Variants in TBC1D5 observed in about 807,000 individuals in gnomAD.
TBC1D5 encodes TBC1 domain family, member 5.
TBC1D5 carries 75 observed loss-of-function variants against 100.3 expected under a neutral mutation model. The observed-to-expected ratio is 0.75, with a 90% CI of 0.62 to 0.91. The LOEUF (loss-of-function observed/expected upper bound fraction) is 0.91, where lower values mean the gene tolerates loss of function less well. Ranked by LOEUF, TBC1D5 falls within the 40% of genes least tolerant of loss-of-function variation. The pLI is 0.00. For missense variants in TBC1D5, 910 were observed against 942.4 expected, an observed-to-expected ratio of 0.97 and a Z score of 0.45; for synonymous variants, 323 against 325.6, an observed-to-expected ratio of 0.99 and a Z score of 0.09.
At chr3:17,731,414 G>A (rs554341573) in intron 1 of TBC1D5, among the ~76,000 whole-genome samples, 1 of 151,544 alleles carries the variant, frequency 6.6e-6, no homozygotes, top group East Asian at 1.9e-4. Flanking sequence ...GCTGAGGCAG[G>A]AGAATTGCTT....
chr3:17,714,580 T>C (rs2075059111), intron 1 of TBC1D5, among the ~76,000 whole-genome samples: 1 of 152,202 alleles, frequency 6.6e-6, no homozygotes, highest in South Asian at 2.1e-4. Flanking sequence ...TCAAGGCAGT[T>C]TTGTCACGAC....
chr3:17,510,141 A>G (rs932323070), intron 2 of TBC1D5, among the ~76,000 whole-genome samples: 1 of 152,068 alleles, frequency 6.6e-6, no homozygotes, highest in Non-Finnish European at 1.5e-5. Context: ...TCCAAACAAA[A>G]TGAGTATCTA....
intron 13 of TBC1D5, among the ~76,000 whole-genome samples, chr3:17,320,798 T>G (rs2085312837): frequency 6.6e-6 from 1 of 152,234 alleles, no homozygotes; most frequent in Non-Finnish European, 1.5e-5. Context: ...TGAAATTCTA[T>G]CTTTACCATA....
rs1299028784 is a variant in TBC1D5, at chr3:17,663,230, T to A, written c.-100-39317A>T. ...AAGTTTTAAATACTAAAGATGAAAA[T>A]TTTTATGTAGAACAATATATATTTG... On this transcript the variant is annotated intron_variant, in intron 1 of 21. Transcript: ENST00000253692. 2.0e-5 allele frequency: 3 copies of A among 151,618 alleles called. No homozygotes were observed. The East Asian group carries it at 5.8e-4, about 29-fold the overall frequency. The allele number at this position is 151,618 out of a possible 1,614,324, so 9.4% of individuals were successfully genotyped here. A position where few individuals can be genotyped will look rare whatever the true frequency, so the allele number is the denominator to read the frequency against.
chr3:17,391,498 T>C (rs537299906), intron 8 of TBC1D5, among the ~76,000 whole-genome samples: 1 of 152,118 alleles, frequency 6.6e-6, no homozygotes, highest in African/African-American at 2.4e-5. Context: ...CCACCAATTT[T>C]GGTTGATTAA....
At chr3:17,464,591 C>A (rs957791322) in intron 3 of TBC1D5, among the ~76,000 whole-genome samples, 11 of 152,066 alleles carry the variant, frequency 7.2e-5, no homozygotes, top group African/African-American at 2.7e-4. Flanking sequence ...CTAGAGCAGT[C>A]TCTAACCTTA....
intron 9 of TBC1D5, 34 bp downstream of exon 9, chr3:17,383,879 T>C: frequency 5.2e-6 from 8 of 1,536,894 alleles, no homozygotes; most frequent in Non-Finnish European, 7.1e-6. Flanking sequence ...AAATTTTGAG[T>C]CAATGGATGC....
At chr3:17,491,748 G>A (rs2095642846) in intron 3 of TBC1D5, among the ~76,000 whole-genome samples, 1 of 152,122 alleles carries the variant, frequency 6.6e-6, no homozygotes, top group Admixed American at 6.5e-5. Flanking sequence ...CAGGGATGTT[G>A]CCTTAAGTTT....
intron 1 of TBC1D5, among the ~76,000 whole-genome samples, chr3:17,642,523 G>C (rs923251031): frequency 2.0e-5 from 3 of 152,056 alleles, no homozygotes; most frequent in Non-Finnish European, 2.9e-5. Context: ...TTGATTTGAA[G>C]GTCATCTACC....
At chr3:17,176,966 CAGCCACTGGG>C (rs1382291521) in intron 19 of TBC1D5, among the ~76,000 whole-genome samples, 5 of 152,188 alleles carry the variant, frequency 3.3e-5, no homozygotes. Context: ...AACGCCAAGG[CAGCCACTGGG>C]GGCCACTGTG....
At chr3:17,417,704 C>A (rs1478874804) in intron 4 of TBC1D5, among the ~76,000 whole-genome samples, 2 of 151,980 alleles carry the variant, frequency 1.3e-5, no homozygotes, top group Admixed American at 6.6e-5. Flanking sequence ...TGGGTATATA[C>A]CCAGTAATGG....
At chr3:17,580,398 C>G (rs2096686124) in intron 2 of TBC1D5, among the ~76,000 whole-genome samples, 1 of 152,046 alleles carries the variant, frequency 6.6e-6, no homozygotes, top group African/African-American at 2.4e-5. Context: ...AAGTGGGAAG[C>G]AAGTAATCAT....
At chr3:17,390,137 C>T (rs2093307542) in intron 8 of TBC1D5, among the ~76,000 whole-genome samples, 1 of 152,044 alleles carries the variant, frequency 6.6e-6, no homozygotes, top group African/African-American at 2.4e-5. Context: ...ACTAGAGTAT[C>T]CTATTTGCCA....
At chr3:17,242,656 T>C (rs1424591967) in intron 16 of TBC1D5, among the ~76,000 whole-genome samples, 1 of 152,064 alleles carries the variant, frequency 6.6e-6, no homozygotes, top group Non-Finnish European at 1.5e-5. Context: ...GTTGGCTCAT[T>C]TGTTATTTAG....
intron 2 of TBC1D5, among the ~76,000 whole-genome samples, chr3:17,597,277 C>T (rs979484940): frequency 6.6e-6 from 1 of 152,154 alleles, no homozygotes; most frequent in South Asian, 2.1e-4. Flanking sequence ...GTAAAAAGAA[C>T]ATCTATTGAG....
At chr3:17,214,639 TAAA>T (rs202019351) in intron 17 of TBC1D5, among the ~76,000 whole-genome samples, 1 of 133,400 alleles carries the variant, frequency 7.5e-6, no homozygotes, top group African/African-American at 2.7e-5. Flanking sequence ...TAAAAAGAAC[TAAA>T]AAAAAAAAAA....
intron 3 of TBC1D5, among the ~76,000 whole-genome samples, chr3:17,434,573 AT>A: frequency 6.6e-6 from 1 of 152,266 alleles, no homozygotes; most frequent in South Asian, 2.1e-4. Context: ...TGAGGTCTTT[AT>A]AATTCCTGAG....
intron 2 of TBC1D5, among the ~76,000 whole-genome samples, chr3:17,525,109 G>A (rs1373172056): frequency 6.6e-6 from 1 of 152,046 alleles, no homozygotes; most frequent in East Asian, 1.9e-4. Context: ...ATACATAAAT[G>A]TACACTTTAA....
intron 8 of TBC1D5, among the ~76,000 whole-genome samples, chr3:17,401,484 A>G (rs982552681): frequency 1.3e-5 from 2 of 152,042 alleles, no homozygotes; most frequent in African/African-American, 4.8e-5. Context: ...ACTTTCTTAC[A>G]TAACAAAGCA....
Sources: allele counts gnomAD v4.1 joint callset (sites outside exome capture counted in the v4.1 genomes callset), GRCh38; gene constraint gnomAD v4.1.1; transcripts MANE v1.5; gene names NCBI Gene and HGNC (gene_info 2026-07-23, HGNC 2026-07-21).